PAX5: variants seen among roughly 807,000 people sequenced by gnomAD.
The protein encoded by PAX5 is paired box protein Pax-5.
In PAX5, 9 loss-of-function variants were observed where a neutral mutation model predicts 43.7. The ratio of observed to expected loss-of-function variants is 0.21; its 90% CI spans 0.12 to 0.36. PAX5 has a LOEUF of 0.36. PAX5 is among the 10% of genes least tolerant of loss of function. The probability of loss-of-function intolerance (pLI) is 1.00; values close to 1 mark genes in which losing one functional copy is unlikely to be tolerated. For synonymous variants in PAX5, 228 were observed against 214.3 expected (o/e 1.06, Z -0.56); for missense variants, 383 against 532.7 (o/e 0.72, Z 2.77).
chr9:36,886,316 C>G (rs944920364), intron 7 of PAX5, among the ~76,000 whole-genome samples: 7 of 152,216 alleles, frequency 4.6e-5, no homozygotes, highest in African/African-American at 1.7e-4. Context: ...TAAAAGCTTG[C>G]TGCCTGGAAC....
intron 5 of PAX5, among the ~76,000 whole-genome samples, chr9:36,974,180 T>TA (rs200616201): frequency 0.013 from 2,013 of 150,888 alleles, 39 homozygotes; most frequent in African/African-American, 0.047. Flanking sequence ...ACTCTGTCTC[T>TA]AAAAAAAAAC....
At chr9:36,891,268 A>G (rs142623725) in intron 7 of PAX5, among the ~76,000 whole-genome samples, 1 of 152,250 alleles carries the variant, frequency 6.6e-6, no homozygotes, top group African/African-American at 2.4e-5. Flanking sequence ...GCCAAAGACA[A>G]TGACATGAGC....
intron 1 of PAX5, among the ~76,000 whole-genome samples, chr9:37,023,587 C>T (rs1296149759): frequency 6.6e-6 from 1 of 152,114 alleles, no homozygotes; most frequent in African/African-American, 2.4e-5. Context: ...GCCCCTGAGG[C>T]CTTTGTGACT....
chr9:36,858,421 C>T (rs1476741157), intron 8 of PAX5, among the ~76,000 whole-genome samples: 1 of 152,172 alleles, frequency 6.6e-6, no homozygotes, highest in East Asian at 1.9e-4. Context: ...GCCTCAGTTT[C>T]CCCAAATGGA....
rs191042354 is a variant in PAX5 at position 36,857,757 on chromosome 9, G to T, written c.1013-10828C>A. Among the ~76,000 whole-genome samples the T allele has an allele frequency of 3.3e-5, 5 of 152,334 alleles. No homozygotes were observed. The East Asian group carries it at 9.6e-4, about 29-fold the overall frequency. On this transcript the variant is annotated intron_variant, in intron 8 of 9. Transcript: ENST00000358127. ...TTTCAAGAAAGAGGCCAGTAAGCAG[G>T]ACGCACACGGTGCTGACATGGAATG...
At chr9:36,924,783 A>AGAAAGAAGGAAGGG (rs1830493652) in intron 6 of PAX5, among the ~76,000 whole-genome samples, 186 of 19,772 alleles carry the variant, frequency 9.4e-3, no homozygotes, top group African/African-American at 0.031. Flanking sequence ...AAGGAAGGAA[A>AGAAAGAAGGAAGGG]AGAGAAAGGG....
rs73440811 is a variant in PAX5 at position 37,022,148 on chromosome 9, G to A, written c.47-1347C>T. On this transcript the variant is annotated intron_variant, in intron 1 of 9. Coordinates refer to ENST00000358127, the MANE Select transcript of PAX5 (RefSeq NM_016734.3). ...TTTCCCATGAATATTTCCCAAAAAC[G>A]TCCAGGCTCAGGCTTATTTCAAGGA... 1.4e-3 allele frequency among the ~76,000 whole-genome samples: 207 copies of A among 152,216 alleles called. 2 individuals are homozygous for A. Among genetic ancestry groups the A allele is most frequent in the African/African-American group, 4.6e-3 (190 of 41,518 alleles).
At chr9:36,915,936 T>C (rs1025953731) in intron 7 of PAX5, among the ~76,000 whole-genome samples, 3 of 151,880 alleles carry the variant, frequency 2.0e-5, no homozygotes, top group African/African-American at 7.3e-5. Flanking sequence ...CAGGATGTAG[T>C]GGTGCATGCC....
chr9:36,883,672 AAAAAG>A (rs369645357), intron 7 of PAX5, among the ~76,000 whole-genome samples: 4 of 152,280 alleles, frequency 2.6e-5, no homozygotes, highest in East Asian at 1.9e-4. Context: ...CTCCATTCAC[AAAAAG>A]AAAAGAAAAG....
chr9:37,024,631 G>T (rs2132523197), intron 1 of PAX5, among the ~76,000 whole-genome samples: 1 of 152,338 alleles, frequency 6.6e-6, no homozygotes. Context: ...AGCTAGACTG[G>T]CTGGGGCCCA....
chr9:37,031,611 GCAGAGAGGT>G lies in PAX5; in HGVS notation c.46+2366_46+2374del, dbSNP rs1278502597. Among the ~76,000 whole-genome samples, 10 of 152,276 alleles carry G rather than the reference GCAGAGAGGT, an allele frequency of 6.6e-5. No homozygotes were observed. In the East Asian group the frequency reaches 1.5e-3, roughly 24 times the overall value. ...CCCAGCAGGAACAGGAGGTCTAAGGGCAGAGAGGTCACCTTCCATTCCTATTCCCTCCCT... is the reference window on the plus strand; with the variant it reads ...CCCAGCAGGAACAGGAGGTCTAAGGGCACCTTCCATTCCTATTCCCTCCCT... On this transcript the variant is annotated intron_variant, in intron 1 of 9. Transcript: ENST00000358127.
chr9:37,015,249 G>A lies in PAX5; in HGVS notation c.213-55C>T. The A allele has an allele frequency of 6.7e-7, 1 of 1,498,904 alleles. No homozygotes were observed. Among genetic ancestry groups the A allele is most frequent in the Non-Finnish European group, 9.3e-7 (1 of 1,077,128 alleles). 92.9% of individuals were successfully genotyped at this position (1,498,904 alleles called of 1,614,324 possible). On this transcript the variant is annotated intron_variant, in intron 2 of 9. Coordinates refer to ENST00000358127, the MANE Select transcript of PAX5 (RefSeq NM_016734.3). The surrounding 1 kb of genome is among the most constrained non-coding windows in gnomAD (Gnocchi z 4.4). ...ATGAGGAACCAGTAAAGTGGATATTGGCAACAAAATAACGGGCTACTCTGG... is the reference window on the plus strand; with the variant it reads ...ATGAGGAACCAGTAAAGTGGATATTAGCAACAAAATAACGGGCTACTCTGG...
rs1821924945 is a variant in PAX5 at position 36,840,144 on chromosome 9, C to A, written c.*416G>T. ...GGAGCAGTCTTCTCAGTCGGACCTTCAGGCCCACAGAAAAGCAAGAAGGTA... is the reference window on the plus strand; with the variant it reads ...GGAGCAGTCTTCTCAGTCGGACCTTAAGGCCCACAGAAAAGCAAGAAGGTA... On this transcript the variant is annotated 3_prime_UTR_variant, in exon 10 of 10. Coordinates refer to ENST00000358127, the MANE Select transcript of PAX5 (RefSeq NM_016734.3). The A allele has an allele frequency of 7.8e-6, 3 of 385,526 alleles. No homozygotes were observed. The East Asian group carries it at 1.4e-4, about 18-fold the overall frequency. The allele number at this position is 385,526 out of a possible 1,614,324, so 23.9% of individuals were successfully genotyped here.
chr9:36,981,434 C>CAAAAAAAAAA lies in PAX5; in HGVS notation c.605-14720_605-14711dup, dbSNP rs571402545. 4.5e-4 allele frequency among the ~76,000 whole-genome samples: 44 copies of CAAAAAAAAAA among 97,108 alleles called. 2 individuals carry two copies. The highest frequency in any genetic ancestry group is 7.2e-4 in the Non-Finnish European group (36 of 50,012). The allele number at this position is 97,108 out of a possible 152,430, so 63.7% of individuals were successfully genotyped here. ...GTAGAGTGAATTTCACTGAAACTGG[C>CAAAAAAAAAA]AAAAAAAAAAAAACAAAAAACAGGT... On this transcript the variant is annotated intron_variant, in intron 5 of 9. Coordinates refer to ENST00000358127, the MANE Select transcript of PAX5 (RefSeq NM_016734.3).
chr9:36,919,626 G>C (rs1829978054), intron 7 of PAX5, among the ~76,000 whole-genome samples: 3 of 152,008 alleles, frequency 2.0e-5, no homozygotes, highest in Admixed American at 2.0e-4. Context: ...GGTGGATCAT[G>C]AGGTCAGGAG....
rs145215695 is a variant in PAX5, at chr9:36,973,669, C to T, written c.605-6945G>A. ...ATCACTTGAGGCCAGGAGTTCAAGA[C>T]CAGCCTTGGCAACATGGCGAGACCC... On this transcript the variant is annotated intron_variant, in intron 5 of 9. Coordinates refer to ENST00000358127, the MANE Select transcript of PAX5 (RefSeq NM_016734.3). Among the ~76,000 whole-genome samples, 811 of 152,158 alleles carry T rather than the reference C, an allele frequency of 5.3e-3. 13 individuals carry two copies. The highest frequency in any genetic ancestry group is 0.019 in the African/African-American group (770 of 41,512).
At chr9:36,892,013 C>A (rs929421131) in intron 7 of PAX5, among the ~76,000 whole-genome samples, 3 of 152,226 alleles carry the variant, frequency 2.0e-5, no homozygotes, top group Non-Finnish European at 4.4e-5. Context: ...ACCTGCCTGG[C>A]ATTTTAGAGC....
chr9:36,959,480 TAGGTAAGA>T (rs1014565485), intron 6 of PAX5, among the ~76,000 whole-genome samples: 39 of 152,324 alleles, frequency 2.6e-4, no homozygotes, highest in African/African-American at 8.9e-4. Context: ...TCATTCTTCC[TAGGTAAGA>T]ATTTTCAGTT....
chr9:36,972,849 G>A (rs1310392890), intron 5 of PAX5, among the ~76,000 whole-genome samples: 3 of 151,922 alleles, frequency 2.0e-5, no homozygotes, highest in Non-Finnish European at 4.4e-5. Context: ...CCAACATGGT[G>A]AAACCCCGTC....
Sources: gnomAD v4.1 joint callset for allele counts (sites outside exome capture counted in the v4.1 genomes callset) on GRCh38, gnomAD v4.1.1 for gene constraint, Gnocchi (gnomAD v3.1) non-coding constraint, MANE v1.5 for transcripts, NCBI Gene and HGNC (gene_info 2026-07-23, HGNC 2026-07-21) for gene names.